Variants in SMAD3 observed in about 807,000 individuals in gnomAD.
SMAD3 encodes MAD homolog 3.
Under a neutral mutation model 51.8 loss-of-function variants are expected in SMAD3, and 12 were observed. The ratio of observed to expected loss-of-function variants is 0.23; its 90% CI spans 0.15 to 0.38. SMAD3 has a LOEUF of 0.38. SMAD3 is among the 10% of genes least tolerant of loss of function. The pLI, the probability that SMAD3 is intolerant of heterozygous loss-of-function variation, is 1.00. For synonymous variants in SMAD3, 238 were observed against 227.7 expected (o/e 1.05, Z -0.41); for missense variants, 294 against 565.6 (o/e 0.52, Z 4.87).
intron 1 of SMAD3, among the ~76,000 whole-genome samples, chr15:67,105,282 G>A (rs1960851152): frequency 6.6e-6 from 1 of 152,184 alleles, no homozygotes; most frequent in African/African-American, 2.4e-5. Context: ...CTACAGGGAG[G>A]GAGTAGCTGC....
At chr15:67,066,795 C>T (rs1959932382) in intron 1 of SMAD3, among the ~76,000 whole-genome samples, 1 of 152,234 alleles carries the variant, frequency 6.6e-6, no homozygotes, top group African/African-American at 2.4e-5. Context: ...CTTTGCGTTT[C>T]TTTTCTTCAG....
At chr15:67,082,712 G>A (rs1054689528) in intron 1 of SMAD3, among the ~76,000 whole-genome samples, 11 of 152,170 alleles carry the variant, frequency 7.2e-5, no homozygotes, top group Non-Finnish European at 1.0e-4. Flanking sequence ...GTCTTCAGTC[G>A]CAAAGAGCTA....
chr15:67,159,703 A>G (rs1595937328), intron 1 of SMAD3, among the ~76,000 whole-genome samples: 1 of 152,126 alleles, frequency 6.6e-6, no homozygotes, highest in East Asian at 1.9e-4. Flanking sequence ...CCAGGCAATG[A>G]CTGATCCCTG....
intron 7 of SMAD3, 26 bp downstream of exon 7, chr15:67,184,890 G>A (rs919935485): frequency 6.2e-7 from 1 of 1,612,202 alleles, no homozygotes; most frequent in Non-Finnish European, 8.5e-7. Flanking sequence ...AGGCACCCCT[G>A]CCTTGAGGTC....
intron 1 of SMAD3, among the ~76,000 whole-genome samples, chr15:67,152,406 G>A (rs1027370531): frequency 2.6e-5 from 4 of 152,158 alleles, no homozygotes; most frequent in African/African-American, 9.7e-5. Flanking sequence ...GCCTGCTGCC[G>A]AGCGAGAGGC....
intron 1 of SMAD3, among the ~76,000 whole-genome samples, chr15:67,083,372 G>T (rs2140206631): frequency 6.6e-6 from 1 of 152,308 alleles, no homozygotes; most frequent in South Asian, 2.1e-4. Flanking sequence ...TCTCTCTTGT[G>T]GGCTGCACGG....
chr15:67,131,141 A>G (rs1961516159), intron 1 of SMAD3, among the ~76,000 whole-genome samples: 2 of 152,248 alleles, frequency 1.3e-5, no homozygotes, highest in South Asian at 4.1e-4. Flanking sequence ...TGATTTCGGC[A>G]GGAATATCTT....
intron 1 of SMAD3, among the ~76,000 whole-genome samples, chr15:67,082,457 G>A (rs546538832): frequency 5.9e-4 from 90 of 152,166 alleles, no homozygotes; most frequent in Non-Finnish European, 1.1e-3. Context: ...CCTCCCTCAG[G>A]GGAAATTTTC....
intron 8 of SMAD3, 49 bp from the exon 9 acceptor site, chr15:67,190,363 CT>C: frequency 6.3e-7 from 1 of 1,575,746 alleles, no homozygotes; most frequent in Non-Finnish European, 8.7e-7. Flanking sequence ...GTGTAACCCC[CT>C]GGAGATTTTT....
intron 5 of SMAD3, among the ~76,000 whole-genome samples, 174 bp from the exon 6 acceptor site, chr15:67,181,067 G>A (rs1045283622): frequency 1.3e-5 from 2 of 152,244 alleles, no homozygotes; most frequent in Non-Finnish European, 2.9e-5. Flanking sequence ...AGACACCTGA[G>A]CATCTTGTTC....
rs571550044 is a variant in SMAD3, at chr15:67,081,329, C to T, written c.206+14969C>T. Among the ~76,000 whole-genome samples the T allele has an allele frequency of 2.2e-3, 329 of 152,226 alleles. 1 individual carries two copies. The highest frequency in any genetic ancestry group is 7.6e-3 in the African/African-American group (316 of 41,516). On this transcript the variant is annotated intron_variant, in intron 1 of 8. Transcript: ENST00000327367. ...GCCATCTTGTGGGTAAGGCTGGAAGCGGCTTTTGAGTCTCCTGAGTTACAG... is the reference window on the plus strand; with the variant it reads ...GCCATCTTGTGGGTAAGGCTGGAAGTGGCTTTTGAGTCTCCTGAGTTACAG...
chr15:67,121,751 C>T (rs921467558), intron 1 of SMAD3, among the ~76,000 whole-genome samples: 44 of 151,780 alleles, frequency 2.9e-4, no homozygotes, highest in African/African-American at 1.0e-3. Flanking sequence ...CTAGTGCCTC[C>T]ATTTCTTGAT....
chr15:67,065,840 C>G lies in SMAD3; in HGVS notation c.-315C>G, dbSNP rs1959898640. 4.7e-6 allele frequency: 1 copy of G among 214,862 alleles called. No individual in the cohort carries two copies. Among genetic ancestry groups the G allele is most frequent in the Admixed American group, 5.9e-5 (1 of 17,056 alleles). 13.3% of individuals were successfully genotyped at this position (214,862 alleles called of 1,614,324 possible). ...CCCCGTGCGGAAACCCAAACTTCTG[C>G]TGCCACTTGGAGTCTCGCGGCCGCC... On this transcript the variant is annotated 5_prime_UTR_variant, in exon 1 of 9. Transcript: ENST00000327367.
chr15:67,192,075 T>C lies in SMAD3; in HGVS notation c.*1539T>C, dbSNP rs1963381113. 4.3e-6 allele frequency: 1 copy of C among 232,466 alleles called. No homozygotes were observed. Among genetic ancestry groups the C allele is most frequent in the African/African-American group, 2.2e-5 (1 of 45,290 alleles). The allele number at this position is 232,466 out of a possible 1,614,324, so 14.4% of individuals were successfully genotyped here. On this transcript the variant is annotated 3_prime_UTR_variant, in exon 9 of 9. Coordinates refer to ENST00000327367, the MANE Select transcript of SMAD3 (RefSeq NM_005902.4). ...ACCTATCCCACGTTTTTGCATGAAT[T>C]TATAGCAGGAAAAATCAAGGGATTT...
chr15:67,069,597 T>G (rs1484802270), intron 1 of SMAD3, among the ~76,000 whole-genome samples: 2 of 152,162 alleles, frequency 1.3e-5, no homozygotes, highest in East Asian at 3.9e-4. Flanking sequence ...CATTGCTTGT[T>G]TGGAAGGGAA....
At chr15:67,075,386 G>C (rs2140198663) in intron 1 of SMAD3, among the ~76,000 whole-genome samples, 1 of 152,320 alleles carries the variant, frequency 6.6e-6, no homozygotes, top group East Asian at 1.9e-4. Flanking sequence ...CATTTTGTGT[G>C]TGGCTGTTTG....
chr15:67,141,637 G>T (rs2140265490), intron 1 of SMAD3, among the ~76,000 whole-genome samples: 1 of 152,288 alleles, frequency 6.6e-6, no homozygotes, highest in Admixed American at 6.5e-5. Context: ...TCACAGAACA[G>T]CCTCCATTCA....
intron 1 of SMAD3, among the ~76,000 whole-genome samples, chr15:67,125,044 C>G (rs1382211126): frequency 1.3e-5 from 2 of 152,238 alleles, no homozygotes; most frequent in African/African-American, 4.8e-5. Flanking sequence ...ACCCGACCAG[C>G]CAAATGGTCA....
intron 1 of SMAD3, among the ~76,000 whole-genome samples, chr15:67,137,275 C>T (rs1199352715): frequency 1.3e-5 from 2 of 152,204 alleles, no homozygotes; most frequent in African/African-American, 4.8e-5. Context: ...CAGGTGATAT[C>T]AGCACTGCAA....
Sources: gnomAD v4.1 joint callset for allele counts (sites outside exome capture counted in the v4.1 genomes callset) on GRCh38, gnomAD v4.1.1 for gene constraint, MANE v1.5 for transcripts, NCBI Gene and HGNC (gene_info 2026-07-23, HGNC 2026-07-21) for gene names.